Variants in MYH14 observed in about 807,000 individuals in gnomAD.
MYH14 encodes myosin heavy chain 14.
MYH14 carries 123 observed loss-of-function variants against 255.5 expected under a neutral mutation model. That is an observed-to-expected ratio of 0.48 (90% CI 0.42 to 0.56). The LOEUF is 0.56. MYH14 is among the 20% of genes least tolerant of loss of function. MYH14 has a pLI of 0.00. For synonymous variants in MYH14, 1,095 were observed against 1,161.2 expected (o/e 0.94, Z 1.16); for missense variants, 2,423 against 2,802.3 (o/e 0.86, Z 3.06).
chr19:50,272,599 A>G lies in MYH14; in HGVS notation c.3335A>G (p.Glu1112Gly), dbSNP rs766611254. Residue 1112 changes from glutamate (E) to glycine (G), a missense_variant, in exon 27 of 43, where the codon GAG (glutamate) becomes GGG (glycine). Coordinates refer to ENST00000642316, the MANE Select transcript of MYH14 (RefSeq NM_001145809.2). ...GAGGAGAAGGGTCGCCAGGAGCTGG[A>G]GAAGCTGAAGCGGAGGCTGGATGGG... Reference protein sequence around the residue: ...RKEEKGRQELEKLKRRLDGES... With the variant: ...RKEEKGRQELGKLKRRLDGES... 4 of 1,581,660 alleles carry G rather than the reference A, an allele frequency of 2.5e-6. No individual in the cohort carries two copies. In the Admixed American group the frequency reaches 5.5e-5, roughly 22 times the overall value.
intron 1 of MYH14, 63 bp from the exon 2 acceptor site, chr19:50,210,300 G>A: frequency 2.8e-6 from 4 of 1,436,648 alleles, no homozygotes; most frequent in Non-Finnish European, 3.7e-6. Flanking sequence ...ATTTGGGGTA[G>A]GGAAGGGAGG....
rs1002251265 is a variant in MYH14, at chr19:50,281,861, C to T, written c.4539+19C>T. On this transcript the variant is annotated intron_variant, in intron 33 of 42. Coordinates refer to ENST00000642316, the MANE Select transcript of MYH14 (RefSeq NM_001145809.2). ...TGACCAGGTGGGGCACCTCAGTTCA[C>T]CCAGCCGGGGAATCAGCAAGTCCAT... 1 of 1,603,850 alleles carries T rather than the reference C, an allele frequency of 6.2e-7. No homozygotes were observed. Among genetic ancestry groups the T allele is most frequent in the Non-Finnish European group, 8.5e-7 (1 of 1,172,880 alleles).
chr19:50,293,669 C>T lies in MYH14; in HGVS notation c.5451C>T (p.Tyr1817=), dbSNP rs914107218. 6.3e-7 allele frequency: 1 copy of T among 1,587,778 alleles called. No individual in the cohort carries two copies. Among genetic ancestry groups the T allele is most frequent in the African/African-American group, 1.3e-5 (1 of 74,448 alleles). Residue 1817 remains tyrosine, a synonymous_variant, in exon 39 of 43, where the codon TAC becomes TAT. Transcript: ENST00000642316. The surrounding 1 kb of genome is among the most constrained non-coding windows in gnomAD (Gnocchi z 4.1). ...QSNSELLNDR[Y]RKLLLQVESL... ...ACTCGGAGCTGCTCAATGACCGCTA[C>T]CGCAAGCTGCTCCTGCAGGTGAGCG...
chr19:50,212,670 G>A (rs1287831624), intron 2 of MYH14, among the ~76,000 whole-genome samples: 2 of 152,188 alleles, frequency 1.3e-5, no homozygotes, highest in Non-Finnish European at 2.9e-5. Flanking sequence ...GAATATTTTT[G>A]TGAAGTCCCA....
intron 12 of MYH14, among the ~76,000 whole-genome samples, chr19:50,248,086 AAAAG>A (rs2034205303): frequency 6.6e-6 from 1 of 151,796 alleles, no homozygotes; most frequent in African/African-American, 2.4e-5. Flanking sequence ...AGAAAAGAAA[AAAAG>A]AAAATTGAAG....
Position 50,293,396 on chromosome 19 carries a change from T to C in MYH14, c.5345+75T>C. The stretch of plus-strand genomic sequence containing the variant: ...GAAGCTGGGGTAGGCTGGAGGTGGC[T>C]GGGCTCTGGGACAGGAAACTGGGAG... On this transcript the variant is annotated intron_variant, in intron 38 of 42. Transcript: ENST00000642316. The surrounding 1 kb of genome is among the most constrained non-coding windows in gnomAD (Gnocchi z 4.1). 6.6e-7 allele frequency: 1 copy of C among 1,522,082 alleles called. No homozygotes were observed. Among genetic ancestry groups the C allele is most frequent in the Non-Finnish European group, 9.0e-7 (1 of 1,117,184 alleles). The allele number at this position is 1,522,082 out of a possible 1,614,324, so 94.3% of individuals were successfully genotyped here.
intron 39 of MYH14, among the ~76,000 whole-genome samples, chr19:50,300,771 A>G (rs1333433020): frequency 4.6e-5 from 7 of 152,144 alleles, no homozygotes; most frequent in Non-Finnish European, 7.4e-5. Context: ...AAAATAAAAT[A>G]AAATTAGCAG....
chr19:50,216,703 CG>C, intron 2 of MYH14, among the ~76,000 whole-genome samples: 1 of 151,420 alleles, frequency 6.6e-6, no homozygotes, highest in East Asian at 1.9e-4. Context: ...TGTTGCATTT[CG>C]GTTATTGCAG....
At chr19:50,264,677 A>G (rs1350700030) in intron 22 of MYH14, among the ~76,000 whole-genome samples, 1 of 152,162 alleles carries the variant, frequency 6.6e-6, no homozygotes, top group Non-Finnish European at 1.5e-5. Context: ...CAGCAGATGG[A>G]GTCTTGCCCC....
chr19:50,234,011 G>T (rs937460801), intron 10 of MYH14, among the ~76,000 whole-genome samples: 4 of 151,836 alleles, frequency 2.6e-5, no homozygotes, highest in African/African-American at 9.7e-5. Flanking sequence ...GTAGAGACAG[G>T]GTTTCACTAA....
chr19:50,215,933 G>A lies in MYH14; in HGVS notation c.406-1682G>A, dbSNP rs528542145. Among the ~76,000 whole-genome samples the A allele has an allele frequency of 3.3e-5, 5 of 152,340 alleles. No homozygotes were observed. In the East Asian group the frequency reaches 9.6e-4, roughly 29 times the overall value. On this transcript the variant is annotated intron_variant, in intron 2 of 42. Transcript: ENST00000642316. ...TCACACACAGCTAGAAAACACATCT[G>A]AATTTGAATCCCGGGTGGCTTCAAA... is the stretch of plus-strand genomic sequence containing the variant.
At chr19:50,271,580 A>G (rs778583483) in intron 25 of MYH14, 34 bp downstream of exon 25, 2 of 1,591,076 alleles carry the variant, frequency 1.3e-6, no homozygotes, top group Non-Finnish European at 1.7e-6. Context: ...GAAAGTGGGG[A>G]TGGGGTGCAT....
chr19:50,205,980 C>A lies in MYH14; in HGVS notation c.-4+2309C>A, dbSNP rs571422970. Reference sequence around the variant, plus strand: ...CTTTTTCAAGCCCAGCAGTCTCGGCCCCTCCCAGGGCAGGTGCTTTCACCT... The same window carrying A: ...CTTTTTCAAGCCCAGCAGTCTCGGCACCTCCCAGGGCAGGTGCTTTCACCT... On this transcript the variant is annotated intron_variant, in intron 1 of 42. Transcript: ENST00000642316. Among the ~76,000 whole-genome samples the A allele has an allele frequency of 5.3e-5, 8 of 152,274 alleles. No homozygotes were observed. The South Asian group carries it at 1.7e-3, about 32-fold the overall frequency.
chr19:50,229,681 C>T (rs1380234918), intron 8 of MYH14, among the ~76,000 whole-genome samples: 1 of 152,056 alleles, frequency 6.6e-6, no homozygotes, highest in Non-Finnish European at 1.5e-5. Flanking sequence ...AAAAGTCTTG[C>T]CACCTTTTAA....
At chr19:50,244,389 G>A in intron 11 of MYH14, 52 bp downstream of exon 11, 1 of 1,476,700 alleles carries the variant, frequency 6.8e-7, no homozygotes, top group Non-Finnish European at 9.4e-7. Context: ...CCCAGGTGGT[G>A]CCCAGCCCTC....
intron 39 of MYH14, 94 bp from the exon 40 acceptor site, chr19:50,301,567 A>T: frequency 1.2e-6 from 1 of 841,526 alleles, no homozygotes; most frequent in South Asian, 1.5e-5. Context: ...TGTGACAATC[A>T]TCAGTGCACT....
intron 23 of MYH14, 123 bp from the exon 24 acceptor site, chr19:50,268,038 C>A: frequency 7.9e-7 from 1 of 1,261,758 alleles, no homozygotes; most frequent in Non-Finnish European, 1.1e-6. Context: ...CCGTGTCCTC[C>A]TGCCCCTCAG....
At chr19:50,256,520 T>A (rs2034597130) in intron 17 of MYH14, among the ~76,000 whole-genome samples, 1 of 152,176 alleles carries the variant, frequency 6.6e-6, no homozygotes, top group African/African-American at 2.4e-5. Flanking sequence ...TACAGGCATG[T>A]GCCACCACAC....
chr19:50,283,223 G>A (rs1205814968), intron 33 of MYH14, among the ~76,000 whole-genome samples: 3 of 152,114 alleles, frequency 2.0e-5, no homozygotes, highest in Middle Eastern at 3.4e-3. Flanking sequence ...AGGTTCAAGC[G>A]ATTCTCGTGC....
Sources: allele counts gnomAD v4.1 joint callset (sites outside exome capture counted in the v4.1 genomes callset), GRCh38; gene constraint gnomAD v4.1.1; non-coding constraint Gnocchi (gnomAD v3.1); transcripts MANE v1.5; gene names NCBI Gene and HGNC (gene_info 2026-07-23, HGNC 2026-07-21).